The following RBPJ variants were observed in gnomAD, a reference collection of about 807,000 sequenced individuals.
RBPJ encodes recombining binding protein suppressor of hairless.
A neutral mutation model predicts 67.8 loss-of-function variants in RBPJ; 9 were observed. The ratio of observed to expected loss-of-function variants is 0.13; its 90% CI spans 0.08 to 0.23. RBPJ has a LOEUF of 0.23. RBPJ is among the 10% of genes least tolerant of loss of function. The pLI, the probability that RBPJ is intolerant of heterozygous loss-of-function variation, is 1.00. For synonymous variants in RBPJ, 198 were observed against 203.3 expected (o/e 0.97, Z 0.22); for missense variants, 305 against 595.6 (o/e 0.51, Z 5.08).
rs567288499 is a variant in RBPJ at position 26,403,248 on chromosome 4, G to A, written c.60-2927G>A. Among the ~76,000 whole-genome samples, 182 of 138,446 alleles carry A rather than the reference G, an allele frequency of 1.3e-3. 1 individual carries two copies. The highest frequency in any genetic ancestry group is 4.6e-3 in the African/African-American group (170 of 37,164). The allele number at this position is 138,446 out of a possible 152,430, so 90.8% of individuals were successfully genotyped here. A position where few individuals can be genotyped will look rare whatever the true frequency, so the allele number is the denominator to read the frequency against. On this transcript the variant is annotated intron_variant, in intron 2 of 10. Transcript: ENST00000355476. ...AAGGGATGGATTTTTTTTTTTTTTC[G>A]TTTTGAGTTTTTCTCTGGATCTTTA...
At chr4:26,245,372 C>G (rs1013897826) in intron 1 of RBPJ, among the ~76,000 whole-genome samples, 1 of 152,008 alleles carries the variant, frequency 6.6e-6, no homozygotes, top group Non-Finnish European at 1.5e-5. Context: ...CCACATCCAG[C>G]TAAGTTTTGT....
chr4:26,407,299 T>C (rs930525667), intron 3 of RBPJ, among the ~76,000 whole-genome samples: 1 of 152,196 alleles, frequency 6.6e-6, no homozygotes, highest in African/African-American at 2.4e-5. Flanking sequence ...CTCCTGGCCC[T>C]CTCTCTTGAT....
chr4:26,321,091 C>T (rs201555035), intron 1 of RBPJ, 43 bp downstream of exon 1: 103 of 1,501,560 alleles, frequency 6.9e-5, no homozygotes, highest in Non-Finnish European at 9.1e-5. Context: ...GGGAAAGTTG[C>T]GGGCGTCTGG....
At chr4:26,255,583 A>C (rs1222140889) in intron 1 of RBPJ, among the ~76,000 whole-genome samples, 1 of 149,914 alleles carries the variant, frequency 6.7e-6, no homozygotes, top group Non-Finnish European at 1.5e-5. Flanking sequence ...CGGGCGGATC[A>C]CGAGGTCGGG....
chr4:26,126,433 C>T, the RBPJ span, among the ~76,000 whole-genome samples: 1 of 152,226 alleles, frequency 6.6e-6, no homozygotes, highest in African/African-American at 2.4e-5. Context: ...GACAGATACT[C>T]CTCTCTCTTT....
chr4:26,208,506 G>A (rs980996946), intron 1 of RBPJ, among the ~76,000 whole-genome samples: 2 of 152,142 alleles, frequency 1.3e-5, no homozygotes, highest in Admixed American at 1.3e-4. Flanking sequence ...GTCTTTCTGT[G>A]CTAATAATAT....
chr4:26,210,682 C>CTTTG (rs1428504822), intron 1 of RBPJ, among the ~76,000 whole-genome samples: 1 of 37,176 alleles, frequency 2.7e-5, no homozygotes, highest in African/African-American at 1.3e-4. Flanking sequence ...TTCTTTCTTT[C>CTTTG]TTTCCTTTCT....
chr4:26,288,147 T>C (rs28488829), intron 1 of RBPJ, among the ~76,000 whole-genome samples: 12,113 of 152,176 alleles, frequency 0.08, 1,282 homozygotes, highest in African/African-American at 0.24. Context: ...ACAAATTACC[T>C]CCAAATTTAG....
intron 1 of RBPJ, among the ~76,000 whole-genome samples, chr4:26,212,432 C>CTTTTTTTTTTTTTTTTT (rs370447105): frequency 2.0e-4 from 23 of 112,232 alleles, no homozygotes; most frequent in Non-Finnish European, 3.5e-4. Context: ...CTTTTCTTTT[C>CTTTTTTTTTTTTTTTTT]TTTTTTTTTT....
intron 1 of RBPJ, among the ~76,000 whole-genome samples, chr4:26,290,880 A>G (rs763883808): frequency 1.3e-5 from 2 of 151,058 alleles, no homozygotes; most frequent in Non-Finnish European, 3.0e-5. Context: ...AAATACATAA[A>G]GATTAATAGC....
upstream of RBPJ, among the ~76,000 whole-genome samples, chr4:26,320,394 G>A (rs998213383): frequency 6.6e-6 from 1 of 152,172 alleles, no homozygotes; most frequent in African/African-American, 2.4e-5. Flanking sequence ...TAGCATGGGG[G>A]GGTGTAATGA....
intron 1 of RBPJ, among the ~76,000 whole-genome samples, chr4:26,196,048 T>C (rs763595354): frequency 6.6e-6 from 1 of 152,194 alleles, no homozygotes; most frequent in Non-Finnish European, 1.5e-5. Context: ...TCTGGTTCTA[T>C]TGAAATGTTG....
intron 1 of RBPJ, among the ~76,000 whole-genome samples, chr4:26,212,728 G>A (rs1422942931): frequency 6.6e-6 from 1 of 152,104 alleles, no homozygotes; most frequent in East Asian, 1.9e-4. Flanking sequence ...GTTACACAGA[G>A]AGGCCAAGCA....
At chr4:26,214,102 T>C (rs974626277) in intron 1 of RBPJ, among the ~76,000 whole-genome samples, 1 of 143,674 alleles carries the variant, frequency 7.0e-6, no homozygotes, top group African/African-American at 2.6e-5. Flanking sequence ...CTGGGCAACA[T>C]AGAGAGACCT....
chr4:26,352,984 T>C (rs1429381214), intron 1 of RBPJ, among the ~76,000 whole-genome samples: 3 of 152,172 alleles, frequency 2.0e-5, no homozygotes, highest in Non-Finnish European at 2.9e-5. Flanking sequence ...TGTTAAATAG[T>C]GGAAAGTGTA....
the RBPJ span, among the ~76,000 whole-genome samples, chr4:26,146,804 A>G: frequency 5.3e-5 from 8 of 152,366 alleles, no homozygotes; most frequent in East Asian, 1.5e-3. Flanking sequence ...AGATCTCTAC[A>G]GAGATTGCTC....
intron 1 of RBPJ, among the ~76,000 whole-genome samples, chr4:26,312,947 TTCTC>T (rs770957382): frequency 2.0e-5 from 3 of 152,230 alleles, no homozygotes; most frequent in Admixed American, 6.5e-5. Context: ...AGATGACAGG[TTCTC>T]TCTCTGTCTC....
chr4:26,261,331 T>A (rs1330696966), intron 1 of RBPJ, among the ~76,000 whole-genome samples: 2 of 152,054 alleles, frequency 1.3e-5, no homozygotes, highest in African/African-American at 4.8e-5. Context: ...GATTCTTTTT[T>A]TTAAGGTAGA....
intron 1 of RBPJ, among the ~76,000 whole-genome samples, chr4:26,234,766 C>T (rs1424334486): frequency 6.6e-6 from 1 of 152,092 alleles, no homozygotes; most frequent in Non-Finnish European, 1.5e-5. Context: ...GATCTAGGCT[C>T]ACTGCAACCT....
Sources: allele counts gnomAD v4.1 joint callset (sites outside exome capture counted in the v4.1 genomes callset), GRCh38; gene constraint gnomAD v4.1.1; transcripts MANE v1.5; gene names NCBI Gene and HGNC (gene_info 2026-07-23, HGNC 2026-07-21).